ABCB5: variants seen among roughly 807,000 people sequenced by gnomAD.
ABCB5 encodes ATP binding cassette subfamily B member 5, also known as ATP-binding cassette sub-family B member 5.
A neutral mutation model predicts 144.2 loss-of-function variants in ABCB5; 155 were observed. The ratio of observed to expected loss-of-function variants is 1.08; its 90% CI spans 0.94 to 1.23. The LOEUF is 1.23. ABCB5 is among the 50% of genes most tolerant of loss of function. The pLI is 0.00. For synonymous variants in ABCB5, 610 were observed against 528.6 expected (o/e 1.15, Z -2.11); for missense variants, 1,830 against 1,520.8 (o/e 1.20, Z -3.38).
intron 26 of ABCB5, among the ~76,000 whole-genome samples, chr7:20,748,092 A>T (rs10263244): frequency 0.28 from 41,951 of 152,150 alleles, 6,460 homozygotes; most frequent in Non-Finnish European, 0.36. Context: ...ATAGAAACTC[A>T]GCATTTGAAC....
intron 14 of ABCB5, among the ~76,000 whole-genome samples, chr7:20,672,798 T>G (rs559450282): frequency 6.6e-6 from 1 of 152,326 alleles, no homozygotes; most frequent in African/African-American, 2.4e-5. Flanking sequence ...TTTTCTACAC[T>G]GATTTTTCTT....
intron 5 of ABCB5, among the ~76,000 whole-genome samples, chr7:20,637,650 C>A (rs1019700739): frequency 5.9e-5 from 9 of 152,076 alleles, no homozygotes; most frequent in South Asian, 4.1e-4. Context: ...GAACTCCCGA[C>A]CTCAGGTGAG....
At chr7:20,648,123 T>C in intron 11 of ABCB5, 45 bp downstream of exon 11, 1 of 1,158,802 alleles carries the variant, frequency 8.6e-7, no homozygotes, top group Non-Finnish European at 1.3e-6. Flanking sequence ...TCTGATATTA[T>C]CTTCTACTGG....
At chr7:20,743,716 G>A (rs1057449340) in intron 25 of ABCB5, among the ~76,000 whole-genome samples, 3 of 151,808 alleles carry the variant, frequency 2.0e-5, no homozygotes, top group Non-Finnish European at 2.9e-5. Context: ...CCTCCTGCCC[G>A]TACAAAAAAG....
At chr7:20,678,938 T>C (rs985972736) in intron 14 of ABCB5, among the ~76,000 whole-genome samples, 1 of 152,208 alleles carries the variant, frequency 6.6e-6, no homozygotes, top group Non-Finnish European at 1.5e-5. Context: ...AAAATGTACA[T>C]TGACTTCTAC....
At chr7:20,734,644 G>A (rs942756629) in intron 23 of ABCB5, among the ~76,000 whole-genome samples, 2 of 151,352 alleles carry the variant, frequency 1.3e-5, no homozygotes, top group African/African-American at 4.9e-5. Context: ...AGAGGAAAAA[G>A]CCTCTAAAAG....
At position 20,698,514 on chromosome 7, in the gene ABCB5, T is replaced by C; in HGVS notation, c.2118T>C (p.His706=). The C allele has an allele frequency of 1.3e-6, 2 of 1,598,576 alleles. No homozygotes were observed. Among genetic ancestry groups the C allele is most frequent in the African/African-American group, 1.4e-5 (1 of 73,948 alleles). ...TLASVLNGTV[H]PVFSIIFAKI... ...CTTCTGTTCTAAATGGAACTGTTCA[T>C]CCAGTATTTTCCATCATCTTTGCAA... Residue 706 remains histidine, a synonymous_variant, in exon 17 of 28, where the codon CAT becomes CAC. Transcript: ENST00000404938.
At chr7:20,630,858 T>C (rs937106512) in intron 4 of ABCB5, among the ~76,000 whole-genome samples, 6 of 150,890 alleles carry the variant, frequency 4.0e-5, no homozygotes, top group Non-Finnish European at 8.8e-5. Context: ...TAATTTTTCT[T>C]GTTGTTCAAG....
chr7:20,668,511 A>G (rs1273608461), intron 14 of ABCB5, among the ~76,000 whole-genome samples: 1 of 150,492 alleles, frequency 6.6e-6, no homozygotes, highest in Non-Finnish European at 1.5e-5. Flanking sequence ...AGAAGTGAGG[A>G]GCCCCTCCGT....
intron 14 of ABCB5, among the ~76,000 whole-genome samples, chr7:20,665,865 T>C (rs1057127433): frequency 5.7e-4 from 19 of 33,088 alleles, no homozygotes; most frequent in Admixed American, 7.2e-4. Flanking sequence ...GATTTTGCAG[T>C]TAAAAAAAAA....
intron 16 of ABCB5, among the ~76,000 whole-genome samples, chr7:20,694,233 T>A (rs1345244040): frequency 6.6e-6 from 1 of 151,718 alleles, no homozygotes; most frequent in Non-Finnish European, 1.5e-5. Context: ...CTTAACAAAA[T>A]GTAACAAATC....
intron 26 of ABCB5, among the ~76,000 whole-genome samples, chr7:20,749,583 T>C (rs951395123): frequency 3.3e-5 from 5 of 151,906 alleles, no homozygotes; most frequent in Admixed American, 6.6e-5. Flanking sequence ...TACTGAGCAT[T>C]TCTTTGCAAA....
At position 20,707,907 on chromosome 7, in the gene ABCB5, C is replaced by T. The variant is rs1291790652; in HGVS notation, c.2421+3100C>T. On this transcript the variant is annotated intron_variant, in intron 20 of 27. Coordinates refer to ENST00000404938, the MANE Select transcript of ABCB5 (RefSeq NM_001163941.2). The stretch of plus-strand genomic sequence containing the variant: ...CAAGCTCCGCCTCCCAGGTTCACGC[C>T]ATTCTCCTGCCTCAGCCTCCCGAGT... Among the ~76,000 whole-genome samples, 9 of 146,546 alleles carry T rather than the reference C, an allele frequency of 6.1e-5. No individual in the cohort carries two copies. The Admixed American group carries it at 6.4e-4, about 10-fold the overall frequency.
At chr7:20,648,193 T>C in intron 11 of ABCB5, 115 bp downstream of exon 11, 4 of 662,260 alleles carry the variant, frequency 6.0e-6, no homozygotes, top group Non-Finnish European at 1.0e-5. Context: ...TTGGCTACTT[T>C]GCTTAGAGAC....
chr7:20,657,219 A>T (rs1475462507), intron 13 of ABCB5, among the ~76,000 whole-genome samples: 1 of 152,196 alleles, frequency 6.6e-6, no homozygotes, highest in African/African-American at 2.4e-5. Context: ...AAATTGTGAT[A>T]GATCTAGAGT....
chr7:20,629,198 T>C (rs1783979000), intron 4 of ABCB5, among the ~76,000 whole-genome samples: 2 of 106,672 alleles, frequency 1.9e-5, no homozygotes, highest in Non-Finnish European at 4.1e-5. Flanking sequence ...AGAGTGAGAT[T>C]TTAAAGAATT....
intron 10 of ABCB5, 45 bp downstream of exon 10, chr7:20,647,693 G>GA: frequency 6.5e-7 from 1 of 1,532,580 alleles, no homozygotes; most frequent in Non-Finnish European, 8.8e-7. Context: ...ATTACTGCAA[G>GA]AAGGAGACAA....
chr7:20,733,391 T>C (rs529077080), intron 23 of ABCB5, among the ~76,000 whole-genome samples: 2 of 152,102 alleles, frequency 1.3e-5, no homozygotes, highest in Admixed American at 6.6e-5. Context: ...GTCCCCAATA[T>C]AAAATTTCTT....
chr7:20,754,082 G>C (rs941823980), intron 27 of ABCB5, among the ~76,000 whole-genome samples: 2 of 152,162 alleles, frequency 1.3e-5, no homozygotes, highest in African/African-American at 2.4e-5. Context: ...AATGAACATT[G>C]GTTAAATGAA....
Sources: gnomAD v4.1 joint callset for allele counts (sites outside exome capture counted in the v4.1 genomes callset) on GRCh38, gnomAD v4.1.1 for gene constraint, MANE v1.5 for transcripts, NCBI Gene and HGNC (gene_info 2026-07-23, HGNC 2026-07-21) for gene names.